LUZP2: variants seen among roughly 807,000 people sequenced by gnomAD.
LUZP2 encodes the protein leucine zipper protein 2.
In LUZP2, 52 loss-of-function variants were observed where a neutral mutation model predicts 51.6. The ratio of observed to expected loss-of-function variants is 1.01; its 90% confidence interval spans 0.81 to 1.27. The LOEUF (loss-of-function observed/expected upper bound fraction) is 1.27, where lower values mean the gene tolerates loss of function less well. LUZP2 is among the 50% of genes most tolerant of loss of function. The pLI, the probability that LUZP2 is intolerant of heterozygous loss-of-function variation, is 0.00. For missense variants in LUZP2, 436 were observed against 395.4 expected (o/e 1.10, Z -0.87); for synonymous variants, 154 against 137.3 (o/e 1.12, Z -0.85).
At chr11:24,789,529 A>T (rs1003860419) in intron 5 of LUZP2, among the ~76,000 whole-genome samples, 2 of 152,226 alleles carry the variant, frequency 1.3e-5, no homozygotes, top group African/African-American at 4.8e-5. Flanking sequence ...TGATTAAATC[A>T]TACAAAGTAA....
intron 1 of LUZP2, among the ~76,000 whole-genome samples, chr11:24,620,300 T>G (rs1277691767): frequency 6.6e-6 from 1 of 152,224 alleles, no homozygotes; most frequent in African/African-American, 2.4e-5. Context: ...AAATGAAAGA[T>G]CTTTTATTTT....
intron 7 of LUZP2, among the ~76,000 whole-genome samples, chr11:24,961,950 C>CA (rs1384132141): frequency 6.6e-6 from 1 of 151,686 alleles, no homozygotes; most frequent in East Asian, 1.9e-4. Context: ...CTGGTGGTGA[C>CA]AAAATCTCTC....
intron 7 of LUZP2, among the ~76,000 whole-genome samples, chr11:24,964,513 CA>C (rs1855525247): frequency 6.6e-6 from 1 of 152,028 alleles, no homozygotes; most frequent in Non-Finnish European, 1.5e-5. Flanking sequence ...ACATCTCATC[CA>C]GGATTTTAAA....
At position 24,869,207 on chromosome 11, in the gene LUZP2, A is replaced by G. The variant is rs912186465; in HGVS notation, c.397-36784A>G. 5.3e-5 allele frequency among the ~76,000 whole-genome samples: 8 copies of G among 152,166 alleles called. No individual in the cohort carries two copies. In the South Asian group the frequency reaches 6.2e-4, roughly 12 times the overall value. On this transcript the variant is annotated intron_variant, in intron 5 of 11. Coordinates refer to ENST00000336930, the MANE Select transcript of LUZP2 (RefSeq NM_001009909.4). ...TTTAGATCACAGAAAGAAAAGTGGT[A>G]TTGATGCTGAACAGGAACAAATAAA...
At chr11:24,744,777 T>TAAGAG (rs1471448732) in intron 4 of LUZP2, among the ~76,000 whole-genome samples, 2 of 151,048 alleles carry the variant, frequency 1.3e-5, no homozygotes, top group Non-Finnish European at 3.0e-5. Flanking sequence ...CTTGTTTCTC[T>TAAGAG]AGTTCCTTGA....
At chr11:24,995,692 T>C (rs1856473290) in intron 9 of LUZP2, among the ~76,000 whole-genome samples, 1 of 152,116 alleles carries the variant, frequency 6.6e-6, no homozygotes, top group Non-Finnish European at 1.5e-5. Context: ...GATTATCTTT[T>C]CCTTTTTGCC....
intron 1 of LUZP2, among the ~76,000 whole-genome samples, chr11:24,706,832 C>T (rs541175184): frequency 6.6e-6 from 1 of 151,582 alleles, no homozygotes; most frequent in South Asian, 2.1e-4. Flanking sequence ...TTTTTATTCC[C>T]TTTTCTGTCA....
chr11:24,637,089 A>C (rs1855130879), intron 1 of LUZP2, among the ~76,000 whole-genome samples: 1 of 151,850 alleles, frequency 6.6e-6, no homozygotes, highest in South Asian at 2.1e-4. Context: ...TAAAATTCAA[A>C]ATCTTAAAAA....
intron 1 of LUZP2, among the ~76,000 whole-genome samples, chr11:24,718,401 A>T (rs144713751): frequency 2.0e-5 from 3 of 152,354 alleles, no homozygotes; most frequent in African/African-American, 7.2e-5. Context: ...TCAGTGAAGC[A>T]CAAGTTTAGC....
intron 5 of LUZP2, among the ~76,000 whole-genome samples, chr11:24,769,788 T>C (rs796608229): frequency 0.022 from 3,185 of 146,822 alleles, 140 homozygotes; most frequent in African/African-American, 0.076. Flanking sequence ...TAAATTCTCT[T>C]TTTTGTTTGT....
intron 1 of LUZP2, among the ~76,000 whole-genome samples, chr11:24,643,117 A>G (rs1415492068): frequency 1.3e-5 from 2 of 151,854 alleles, no homozygotes; most frequent in Non-Finnish European, 2.9e-5. Flanking sequence ...AGAGATTAAG[A>G]CGAGATTAAG....
intron 1 of LUZP2, among the ~76,000 whole-genome samples, chr11:24,516,338 A>C (rs992402123): frequency 3.3e-5 from 5 of 152,194 alleles, no homozygotes; most frequent in African/African-American, 1.2e-4. Flanking sequence ...AAATAATTGA[A>C]ATAATCAGAA....
At chr11:24,867,539 AGG>A (rs1425816120) in intron 5 of LUZP2, among the ~76,000 whole-genome samples, 1 of 152,112 alleles carries the variant, frequency 6.6e-6, no homozygotes, top group East Asian at 1.9e-4. Context: ...GTGTGGCTTC[AGG>A]CTGCAAGCTC....
At chr11:24,663,353 CT>C (rs1399977020) in intron 1 of LUZP2, among the ~76,000 whole-genome samples, 1 of 152,132 alleles carries the variant, frequency 6.6e-6, no homozygotes, top group Non-Finnish European at 1.5e-5. Context: ...GACATGTTTG[CT>C]TCCCTTTTGC....
chr11:24,728,568 C>T (rs960697791), intron 1 of LUZP2, among the ~76,000 whole-genome samples: 6 of 151,836 alleles, frequency 4.0e-5, no homozygotes, highest in African/African-American at 1.5e-4. Flanking sequence ...CTGATCTTGC[C>T]ATTTACTGAC....
At chr11:25,020,837 C>A (rs557635910) in intron 9 of LUZP2, among the ~76,000 whole-genome samples, 1 of 151,720 alleles carries the variant, frequency 6.6e-6, no homozygotes, top group Non-Finnish European at 1.5e-5. Context: ...GATAGATAAA[C>A]GTTGTAATAG....
At chr11:24,733,205 A>C (rs1858782562) in intron 3 of LUZP2, among the ~76,000 whole-genome samples, 1 of 151,788 alleles carries the variant, frequency 6.6e-6, no homozygotes, top group Non-Finnish European at 1.5e-5. Flanking sequence ...GACTCTTATT[A>C]TTATTTATAG....
At chr11:24,906,701 A>G (rs1233263176) in intron 6 of LUZP2, among the ~76,000 whole-genome samples, 1 of 152,210 alleles carries the variant, frequency 6.6e-6, no homozygotes. Context: ...GTGATTGTTT[A>G]TGACTCAAGG....
chr11:24,591,388 G>C (rs926518051), intron 1 of LUZP2, among the ~76,000 whole-genome samples: 2 of 152,098 alleles, frequency 1.3e-5, no homozygotes, highest in Non-Finnish European at 2.9e-5. Flanking sequence ...TGAAGTCAAG[G>C]ATTATGTATT....
Sources: allele counts gnomAD v4.1 joint callset (sites outside exome capture counted in the v4.1 genomes callset), GRCh38; gene constraint gnomAD v4.1.1; transcripts MANE v1.5; gene names NCBI Gene and HGNC (gene_info 2026-07-23, HGNC 2026-07-21).